The following ARL15 variants were observed in gnomAD, a reference collection of about 807,000 sequenced individuals.
ARL15 encodes the protein ADP-ribosylation factor-like protein 15.
Under a neutral mutation model 25.2 loss-of-function variants are expected in ARL15, and 19 were observed. The observed-to-expected ratio is 0.75, with a 90% CI of 0.53 to 1.10. The LOEUF (loss-of-function observed/expected upper bound fraction) is 1.10. Ranked by LOEUF, ARL15 falls within the 50% of genes least tolerant of loss-of-function variation. The pLI, the probability that ARL15 is intolerant of heterozygous loss-of-function variation, is 0.00. For synonymous variants in ARL15, 94 were observed against 86.8 expected, an observed-to-expected ratio of 1.08 and a Z score of -0.46; for missense variants, 220 against 246.0, an observed-to-expected ratio of 0.89 and a Z score of 0.71.
chr5:54,047,529 G>A (rs948861487), intron 4 of ARL15, among the ~76,000 whole-genome samples: 6 of 152,280 alleles, frequency 3.9e-5, no homozygotes, highest in Middle Eastern at 3.4e-3. Flanking sequence ...CCTCAGTAAA[G>A]GACTCTGCTA....
At chr5:54,070,128 C>A (rs911160626) in intron 4 of ARL15, among the ~76,000 whole-genome samples, 3 of 151,536 alleles carry the variant, frequency 2.0e-5, no homozygotes, top group African/African-American at 7.3e-5. Flanking sequence ...CGGTGGCTCA[C>A]GCCAGTAATC....
At chr5:53,894,832 C>A (rs1744822696) in intron 4 of ARL15, among the ~76,000 whole-genome samples, 2 of 152,142 alleles carry the variant, frequency 1.3e-5, no homozygotes, top group Non-Finnish European at 2.9e-5. Context: ...CCTCCTATCA[C>A]CTCAAGGGGA....
intron 4 of ARL15, among the ~76,000 whole-genome samples, chr5:54,027,489 G>A (rs1410688581): frequency 1.3e-5 from 2 of 152,228 alleles, no homozygotes; most frequent in Non-Finnish European, 2.9e-5. Flanking sequence ...AATTAATTAT[G>A]TTAAGAGATG....
At chr5:53,907,471 TATATATATATATA>T (rs1745284770) in intron 4 of ARL15, among the ~76,000 whole-genome samples, 1 of 25,578 alleles carries the variant, frequency 3.9e-5, no homozygotes, top group Non-Finnish European at 8.5e-5. Flanking sequence ...TATATATATA[TATATATATATATA>T]TATATTTTTT....
intron 3 of ARL15, among the ~76,000 whole-genome samples, chr5:54,149,076 G>A (rs1753991395): frequency 6.6e-6 from 1 of 152,164 alleles, no homozygotes; most frequent in Non-Finnish European, 1.5e-5. Flanking sequence ...CATCACTGCA[G>A]TGTGGACAAC....
intron 4 of ARL15, among the ~76,000 whole-genome samples, chr5:53,933,181 C>G (rs1746246804): frequency 6.6e-6 from 1 of 152,106 alleles, no homozygotes; most frequent in South Asian, 2.1e-4. Context: ...TCATGCTCTC[C>G]AAGAATCTTC....
intron 3 of ARL15, among the ~76,000 whole-genome samples, chr5:54,130,603 T>C (rs1753399179): frequency 2.0e-5 from 3 of 152,192 alleles, no homozygotes; most frequent in Admixed American, 2.0e-4. Context: ...TAGGCTATCG[T>C]GAGAAAACTT....
At chr5:54,101,401 T>A (rs1175625375) in intron 4 of ARL15, among the ~76,000 whole-genome samples, 1 of 152,110 alleles carries the variant, frequency 6.6e-6, no homozygotes, top group Non-Finnish European at 1.5e-5. Flanking sequence ...TCATATTGAG[T>A]GTTTTATAAA....
At chr5:54,142,916 C>A (rs374064479) in intron 3 of ARL15, among the ~76,000 whole-genome samples, 1 of 152,110 alleles carries the variant, frequency 6.6e-6, no homozygotes, top group African/African-American at 2.4e-5. Context: ...ACCTTGGATC[C>A]ATTTTGATTC....
chr5:54,114,319 G>A (rs1015624964), intron 3 of ARL15, among the ~76,000 whole-genome samples: 2 of 149,980 alleles, frequency 1.3e-5, no homozygotes, highest in Non-Finnish European at 1.5e-5. Context: ...CAGGAGGATC[G>A]CTTGAACCCG....
chr5:54,138,259 C>T (rs1423770863), intron 3 of ARL15, among the ~76,000 whole-genome samples: 2 of 152,096 alleles, frequency 1.3e-5, no homozygotes, highest in African/African-American at 2.4e-5. Flanking sequence ...GGGAGAATCA[C>T]TTGAGGCCAG....
At chr5:53,913,119 T>G (rs1207091032) in intron 4 of ARL15, among the ~76,000 whole-genome samples, 2 of 151,966 alleles carry the variant, frequency 1.3e-5, no homozygotes, top group Non-Finnish European at 2.9e-5. Context: ...GGCAACAGAG[T>G]GAGACCCCAT....
At chr5:54,164,706 G>T (rs950563761) in intron 2 of ARL15, among the ~76,000 whole-genome samples, 1 of 151,978 alleles carries the variant, frequency 6.6e-6, no homozygotes, top group Middle Eastern at 3.4e-3. Flanking sequence ...TTAGCATGAT[G>T]TATCTTTTTC....
At chr5:53,920,237 T>C (rs1184957028) in intron 4 of ARL15, among the ~76,000 whole-genome samples, 2 of 152,178 alleles carry the variant, frequency 1.3e-5, no homozygotes, top group Non-Finnish European at 2.9e-5. Context: ...AGCCCAATTT[T>C]AGAAACTTTT....
At chr5:54,041,438 T>C (rs1750340137) in intron 4 of ARL15, among the ~76,000 whole-genome samples, 1 of 152,230 alleles carries the variant, frequency 6.6e-6, no homozygotes. Context: ...AACATCATAT[T>C]ATCCATAATT....
At chr5:54,215,595 T>C (rs973813898) in intron 1 of ARL15, among the ~76,000 whole-genome samples, 2 of 122,440 alleles carry the variant, frequency 1.6e-5, no homozygotes, top group Non-Finnish European at 3.3e-5. Context: ...CCAGACTTAG[T>C]GCGACTCAAG....
At position 53,887,501 on chromosome 5, in the gene ARL15, T is replaced by C. The variant is rs1744571185; in HGVS notation, c.463-788A>G. The C allele has an allele frequency of 9.7e-6, 6 of 620,686 alleles. No individual in the cohort carries two copies. The East Asian group carries it at 1.7e-4, about 17-fold the overall frequency. 38.4% of individuals were successfully genotyped at this position (620,686 alleles called of 1,614,324 possible). The stretch of plus-strand genomic sequence containing the variant: ...CAGCATACTGACTAACGGCATTTAG[T>C]ATTACCAATTCCTGGCTGTGAATAA... On this transcript the variant is annotated intron_variant, in intron 4 of 4. Coordinates refer to ENST00000504924, the MANE Select transcript of ARL15 (RefSeq NM_019087.3).
At chr5:54,289,999 G>C (rs1758284814) in intron 1 of ARL15, among the ~76,000 whole-genome samples, 1 of 152,146 alleles carries the variant, frequency 6.6e-6, no homozygotes, top group Non-Finnish European at 1.5e-5. Context: ...TTCAGGCCTT[G>C]TCTGTACTCT....
intron 4 of ARL15, among the ~76,000 whole-genome samples, chr5:53,990,796 A>C (rs916099661): frequency 2.6e-5 from 4 of 152,236 alleles, no homozygotes; most frequent in Admixed American, 2.0e-4. Flanking sequence ...ATGATTCTGC[A>C]AGAGAAGAAT....
Sources: allele counts gnomAD v4.1 joint callset (sites outside exome capture counted in the v4.1 genomes callset), GRCh38; gene constraint gnomAD v4.1.1; transcripts MANE v1.5; gene names NCBI Gene and HGNC (gene_info 2026-07-23, HGNC 2026-07-21).